The following TNS3 variants were observed in gnomAD, a reference collection of about 807,000 sequenced individuals.
The protein encoded by TNS3 is tensin-3.
Under a neutral mutation model 140.9 loss-of-function variants are expected in TNS3, and 45 were observed. The observed-to-expected ratio is 0.32, with a 90% CI of 0.25 to 0.41. The LOEUF (loss-of-function observed/expected upper bound fraction) is 0.41. TNS3 is among the 10% of genes least tolerant of loss of function. TNS3 has a pLI of 1.00. For missense variants in TNS3, 1,716 were observed against 1,906.7 expected (o/e 0.90, Z 1.86); for synonymous variants, 815 against 788.4 (o/e 1.03, Z -0.56).
At chr7:47,447,032 C>T (rs1417254785) in intron 4 of TNS3, among the ~76,000 whole-genome samples, 1 of 102,356 alleles carries the variant, frequency 9.8e-6, no homozygotes, top group Non-Finnish European at 2.4e-5. Flanking sequence ...TCCTGGAGCT[C>T]ATCCTGGCCA....
At chr7:47,561,447 G>C (rs1471468396) in intron 1 of TNS3, among the ~76,000 whole-genome samples, 1 of 152,124 alleles carries the variant, frequency 6.6e-6, no homozygotes, top group Non-Finnish European at 1.5e-5. Context: ...ACTTGTTTCT[G>C]TTCATTATCT....
rs1793270628 is a variant in TNS3 at position 47,403,433 on chromosome 7, G to A, written c.724-2519C>T. The A allele has an allele frequency of 2.0e-5, 3 of 152,206 alleles. No homozygotes were observed. The East Asian group carries it at 5.8e-4, about 29-fold the overall frequency. 9.4% of individuals were successfully genotyped at this position (152,206 alleles called of 1,614,324 possible). A position where few individuals can be genotyped will look rare whatever the true frequency, so the allele number is the denominator to read the frequency against. Reference sequence around the variant, plus strand: ...TCAAATACTCCTAAGGCTCCACAGTGAAAGAAAGAGCGGTCTATCCCACTG... The same window carrying A: ...TCAAATACTCCTAAGGCTCCACAGTAAAAGAAAGAGCGGTCTATCCCACTG... On this transcript the variant is annotated intron_variant, in intron 13 of 30. Coordinates refer to ENST00000311160, the MANE Select transcript of TNS3 (RefSeq NM_022748.12).
At chr7:47,466,996 G>T (rs556755347) in intron 4 of TNS3, among the ~76,000 whole-genome samples, 1 of 152,194 alleles carries the variant, frequency 6.6e-6, no homozygotes, top group African/African-American at 2.4e-5. Context: ...TGGTGATGAC[G>T]GTGGTAATGG....
chr7:47,282,521 G>GC (rs1020208479), intron 28 of TNS3, among the ~76,000 whole-genome samples: 1 of 152,080 alleles, frequency 6.6e-6, no homozygotes, highest in Non-Finnish European at 1.5e-5. Flanking sequence ...GCTGAGCCAT[G>GC]CCCCTGACCC....
At chr7:47,538,916 A>T (rs1289024072) in intron 1 of TNS3, among the ~76,000 whole-genome samples, 1 of 152,186 alleles carries the variant, frequency 6.6e-6, no homozygotes, top group East Asian at 1.9e-4. Flanking sequence ...TTTCCCTGAG[A>T]ACACATCTGT....
At chr7:47,382,452 T>C (rs11496038) in intron 16 of TNS3, among the ~76,000 whole-genome samples, 33,395 of 152,172 alleles carry the variant, frequency 0.22, 3,746 homozygotes, top group African/African-American at 0.23. Flanking sequence ...GTCTTGATTA[T>C]ATGGAGCCTG....
At chr7:47,497,749 G>GAGCGACGT (rs1798068032) in intron 3 of TNS3, among the ~76,000 whole-genome samples, 1 of 151,004 alleles carries the variant, frequency 6.6e-6, no homozygotes, top group Non-Finnish European at 1.5e-5. Context: ...GTTTACACTG[G>GAGCGACGT]AGCGACGTGT....
At chr7:47,388,240 A>C (rs901755367) in intron 16 of TNS3, among the ~76,000 whole-genome samples, 2 of 152,174 alleles carry the variant, frequency 1.3e-5, no homozygotes, top group African/African-American at 4.8e-5. Flanking sequence ...GTCTACACAC[A>C]CACATACACA....
At chr7:47,313,398 C>A (rs975849695) in intron 20 of TNS3, among the ~76,000 whole-genome samples, 1 of 152,136 alleles carries the variant, frequency 6.6e-6, no homozygotes, top group African/African-American at 2.4e-5. Flanking sequence ...GCTCAGGGGT[C>A]TGGTTCAGAG....
intron 3 of TNS3, among the ~76,000 whole-genome samples, chr7:47,493,258 C>CTCAT (rs1797879151): frequency 6.6e-6 from 1 of 152,036 alleles, no homozygotes; most frequent in Non-Finnish European, 1.5e-5. Flanking sequence ...GTCTCAACCT[C>CTCAT]TCATTCATTC....
In TNS3 at chr7:47,411,849, T is replaced by C. The variant is rs78844342; in HGVS notation, c.648-47A>G. On this transcript the variant is annotated intron_variant, in intron 12 of 30. Transcript: ENST00000311160. ...AGATCATTATGCAACTTCATGATTT[T>C]GTGGGAAGAATACATGTAGAGAAAA... The C allele has an allele frequency of 2.5e-3, 4,028 of 1,579,908 alleles. 100 individuals carry two copies. In the African/African-American group the frequency reaches 0.049, roughly 19 times the overall value.
intron 16 of TNS3, among the ~76,000 whole-genome samples, chr7:47,386,273 T>A (rs113187831): frequency 4.6e-5 from 7 of 152,294 alleles, no homozygotes; most frequent in African/African-American, 1.7e-4. Context: ...TCCCCCCACA[T>A]CCACAACAGG....
intron 20 of TNS3, among the ~76,000 whole-genome samples, chr7:47,338,081 T>G (rs1788734602): frequency 7.8e-6 from 1 of 128,320 alleles, no homozygotes; most frequent in Non-Finnish European, 1.9e-5. Context: ...TCCATGGTAT[T>G]GAGGTACTAC....
chr7:47,367,115 G>A (rs1034465502), intron 17 of TNS3, among the ~76,000 whole-genome samples: 2 of 152,170 alleles, frequency 1.3e-5, no homozygotes, highest in African/African-American at 4.8e-5. Flanking sequence ...GGCACTGCCA[G>A]GGCTCCCAGA....
chr7:47,287,651 C>A (rs1457246601), intron 27 of TNS3, among the ~76,000 whole-genome samples: 1 of 152,220 alleles, frequency 6.6e-6, no homozygotes, highest in Non-Finnish European at 1.5e-5. Flanking sequence ...GAGGGGTGGT[C>A]ACTGTGACAG....
intron 1 of TNS3, among the ~76,000 whole-genome samples, chr7:47,564,635 CAAAAAA>C (rs749603752): frequency 6.6e-5 from 2 of 30,222 alleles, no homozygotes; most frequent in Non-Finnish European, 1.2e-4. Context: ...GACTCCGTCT[CAAAAAA>C]AAAAAAAACA....
At chr7:47,547,299 T>C (rs546595243) in intron 1 of TNS3, among the ~76,000 whole-genome samples, 1 of 151,130 alleles carries the variant, frequency 6.6e-6, no homozygotes, top group Non-Finnish European at 1.5e-5. Context: ...GGACTAAGAA[T>C]TAAGAGAGAT....
intron 1 of TNS3, among the ~76,000 whole-genome samples, chr7:47,530,870 G>T (rs1799381227): frequency 1.1e-5 from 1 of 90,546 alleles, no homozygotes; most frequent in African/African-American, 4.1e-5. Context: ...TCTAGCACAA[G>T]AAATGTGACA....
At chr7:47,507,444 T>G (rs1414273215) in intron 2 of TNS3, among the ~76,000 whole-genome samples, 1 of 152,172 alleles carries the variant, frequency 6.6e-6, no homozygotes, top group Non-Finnish European at 1.5e-5. Flanking sequence ...CCTTTAAATT[T>G]GTGAGAAAGT....
Sources: gnomAD v4.1 joint callset for allele counts (sites outside exome capture counted in the v4.1 genomes callset) on GRCh38, gnomAD v4.1.1 for gene constraint, MANE v1.5 for transcripts, NCBI Gene and HGNC (gene_info 2026-07-23, HGNC 2026-07-21) for gene names.